Variants in XPR1 observed in about 807,000 individuals in gnomAD.
XPR1 encodes the protein xenotropic and polytropic retrovirus receptor 1.
A neutral mutation model predicts 87.5 loss-of-function variants in XPR1; 28 were observed. That is an observed-to-expected ratio of 0.32 (90% confidence interval 0.24 to 0.44). XPR1 has a LOEUF of 0.44. Ranked by LOEUF, XPR1 falls within the 20% of genes least tolerant of loss-of-function variation. The pLI, the probability that XPR1 is intolerant of heterozygous loss-of-function variation, is 1.00. For synonymous variants in XPR1, 300 were observed against 306.1 expected, an observed-to-expected ratio of 0.98 and a Z score of 0.21; for missense variants, 559 against 862.3, an observed-to-expected ratio of 0.65 and a Z score of 4.41.
At chr1:180,757,151 A>G (rs1035178459) in intron 2 of XPR1, among the ~76,000 whole-genome samples, 3 of 152,162 alleles carry the variant, frequency 2.0e-5, no homozygotes, top group African/African-American at 7.2e-5. Context: ...TTGCATTTCC[A>G]TATGTATTTT....
In XPR1 at chr1:180,824,932, C is replaced by T; in HGVS notation, c.943C>T (p.His315Tyr). 6.2e-7 allele frequency: 1 copy of T among 1,613,664 alleles called. No individual in the cohort carries two copies. ...TCCGAGAAGCAATTTGTCTCATCAA[C>T]ATCTCTTTGAGGTAATCAAAGCAAG... ...LNPRSNLSHQ[H>Y]LFEIAGFLGI... Residue 315 changes from histidine to tyrosine, a missense_variant, in exon 8 of 15, where the codon CAT becomes TAT. By Grantham distance (83) the His-to-Tyr change is moderately conservative. Transcript: ENST00000367590.
intron 9 of XPR1, among the ~76,000 whole-genome samples, chr1:180,832,358 T>G (rs983285013): frequency 6.6e-6 from 1 of 152,236 alleles, no homozygotes; most frequent in African/African-American, 2.4e-5. Flanking sequence ...ACTCTGCTGA[T>G]AGCTTCTTTT....
chr1:180,684,935 G>A (rs1280574841), intron 2 of XPR1, among the ~76,000 whole-genome samples: 8 of 152,072 alleles, frequency 5.3e-5, no homozygotes, highest in Non-Finnish European at 1.0e-4. Flanking sequence ...CTGCAAACAG[G>A]GACAATTTGA....
At chr1:180,727,721 C>T (rs61809349) in intron 2 of XPR1, among the ~76,000 whole-genome samples, 20 of 152,322 alleles carry the variant, frequency 1.3e-4, no homozygotes, top group Non-Finnish European at 2.5e-4. Context: ...TAGACAAGAG[C>T]ATACTCAAGG....
chr1:180,837,884 C>T (rs1164429889), intron 11 of XPR1, among the ~76,000 whole-genome samples: 1 of 152,108 alleles, frequency 6.6e-6, no homozygotes. Context: ...ATTTATGACT[C>T]CATTTACTAA....
At chr1:180,734,389 A>C (rs1441352162) in intron 2 of XPR1, among the ~76,000 whole-genome samples, 1 of 152,138 alleles carries the variant, frequency 6.6e-6, no homozygotes, top group Non-Finnish European at 1.5e-5. Context: ...GGAAAACAGG[A>C]ATTAGTGAGG....
At chr1:180,660,941 G>C (rs1289157177) in intron 1 of XPR1, among the ~76,000 whole-genome samples, 1 of 152,096 alleles carries the variant, frequency 6.6e-6, no homozygotes, top group Non-Finnish European at 1.5e-5. Context: ...GCTGAAAGTG[G>C]GGTGTTGAGA....
chr1:180,811,375 C>G, intron 6 of XPR1, 32 bp from the exon 7 acceptor site: 1 of 1,561,514 alleles, frequency 6.4e-7, no homozygotes, highest in Non-Finnish European at 8.8e-7. Context: ...AGTGTTTTGT[C>G]CTGTACTCAA....
intron 9 of XPR1, among the ~76,000 whole-genome samples, chr1:180,829,963 G>C (rs1650997999): frequency 6.6e-6 from 1 of 151,736 alleles, no homozygotes; most frequent in Admixed American, 6.6e-5. Flanking sequence ...GGATGGGGTT[G>C]GCAGAGTATG....
At chr1:180,697,178 T>C (rs1307256533) in intron 2 of XPR1, among the ~76,000 whole-genome samples, 2 of 152,154 alleles carry the variant, frequency 1.3e-5, no homozygotes, top group Non-Finnish European at 2.9e-5. Context: ...TCTTTTCAGG[T>C]TTTCTGTTTC....
At chr1:180,694,099 AG>A (rs1387773010) in intron 2 of XPR1, among the ~76,000 whole-genome samples, 1 of 152,134 alleles carries the variant, frequency 6.6e-6, no homozygotes, top group Non-Finnish European at 1.5e-5. Context: ...CTAGGACTAC[AG>A]GCGCATGCCA....
intron 1 of XPR1, among the ~76,000 whole-genome samples, chr1:180,670,218 C>A (rs1162916317): frequency 6.6e-6 from 1 of 152,074 alleles, no homozygotes; most frequent in Admixed American, 6.6e-5. Flanking sequence ...GAATTTAATT[C>A]ATTTACATCT....
At chr1:180,737,744 A>T (rs1032334166) in intron 2 of XPR1, among the ~76,000 whole-genome samples, 6 of 152,212 alleles carry the variant, frequency 3.9e-5, no homozygotes, top group African/African-American at 1.4e-4. Context: ...TCCATACAGC[A>T]TAACCCTCTG....
intron 2 of XPR1, among the ~76,000 whole-genome samples, chr1:180,774,602 T>C (rs796707624): frequency 6.6e-6 from 1 of 151,928 alleles, no homozygotes; most frequent in African/African-American, 2.4e-5. Context: ...AGAGATGGGG[T>C]TTCACCGTGT....
intron 3 of XPR1, among the ~76,000 whole-genome samples, chr1:180,798,401 C>G (rs1458378918): frequency 6.6e-6 from 1 of 151,812 alleles, no homozygotes; most frequent in East Asian, 1.9e-4. Flanking sequence ...GAATGCAACA[C>G]AAATCGATAA....
Position 180,889,215 on chromosome 1 carries a change from AG to A in XPR1, c.*5150del, listed in dbSNP as rs1210415686. 1 of 152,208 alleles carries A rather than the reference AG, an allele frequency of 6.6e-6. No homozygotes were observed. Among genetic ancestry groups the A allele is most frequent in the African/African-American group, 2.4e-5 (1 of 41,446 alleles). The allele number at this position is 152,208 out of a possible 1,614,324, so 9.4% of individuals were successfully genotyped here. A position where few individuals can be genotyped will look rare whatever the true frequency, so the allele number is the denominator to read the frequency against. The stretch of plus-strand genomic sequence containing the variant: ...TTGGTTTATTTTATCGTCAAATCAA[AG>A]CCACCCTCAGTTTTTTGTATGGTGC... On this transcript the variant is annotated 3_prime_UTR_variant, in exon 15 of 15. Coordinates refer to ENST00000367590, the MANE Select transcript of XPR1 (RefSeq NM_004736.4).
chr1:180,722,196 A>C (rs1658198756), intron 2 of XPR1, among the ~76,000 whole-genome samples: 1 of 152,082 alleles, frequency 6.6e-6, no homozygotes, highest in Admixed American at 6.5e-5. Flanking sequence ...TGAGCCTGGG[A>C]GGTCAAGGCT....
chr1:180,752,315 T>C (rs12097114), intron 2 of XPR1, among the ~76,000 whole-genome samples: 6,554 of 152,242 alleles, frequency 0.043, 505 homozygotes, highest in African/African-American at 0.15. Flanking sequence ...TTTGATATTA[T>C]GTGGTTAAAT....
chr1:180,683,079 G>A (rs1180524410), intron 2 of XPR1, among the ~76,000 whole-genome samples: 3 of 151,524 alleles, frequency 2.0e-5, no homozygotes, highest in South Asian at 2.1e-4. Flanking sequence ...CCATTAACTC[G>A]TCGTTTAGCA....
Sources: allele counts gnomAD v4.1 joint callset (sites outside exome capture counted in the v4.1 genomes callset), GRCh38; gene constraint gnomAD v4.1.1; transcripts MANE v1.5; gene names NCBI Gene and HGNC (gene_info 2026-07-23, HGNC 2026-07-21).